ABCA5: variants seen among roughly 807,000 people sequenced by gnomAD.
ABCA5 encodes ATP binding cassette subfamily A member 5.
A neutral mutation model predicts 206.0 loss-of-function variants in ABCA5; 163 were observed. That is an observed-to-expected ratio of 0.79 (90% CI 0.70 to 0.90). ABCA5 has a LOEUF of 0.90. Among genes scored for constraint, ABCA5 ranks in the 40% least tolerant of loss-of-function variants. The pLI is 0.00. For missense variants in ABCA5, 1,859 were observed against 1,912.9 expected (o/e 0.97, Z 0.53); for synonymous variants, 609 against 613.8 (o/e 0.99, Z 0.11).
At chr17:69,301,021 C>A in intron 9 of ABCA5, 118 bp downstream of exon 9, 1 of 853,020 alleles carries the variant, frequency 1.2e-6, no homozygotes, top group Non-Finnish European at 1.7e-6. Flanking sequence ...AAAGCTTTAA[C>A]AATGAATATG....
At chr17:69,250,955 T>C (rs1381200502) in intron 35 of ABCA5, 2 of 158,392 alleles carry the variant, frequency 1.3e-5, no homozygotes, top group African/African-American at 2.4e-5. Flanking sequence ...TTCTTGGCTG[T>C]CACGTCACCT....
chr17:69,313,036 T>A lies in ABCA5; in HGVS notation c.307+56A>T, dbSNP rs1010087799. 2.5e-6 allele frequency: 3 copies of A among 1,209,444 alleles called. No homozygotes were observed. In the African/African-American group the frequency reaches 4.8e-5, roughly 19 times the overall value. The allele number at this position is 1,209,444 out of a possible 1,614,324, so 74.9% of individuals were successfully genotyped here. A position where few individuals can be genotyped will look rare whatever the true frequency, so the allele number is the denominator to read the frequency against. Reference sequence around the variant, plus strand: ...CTATTCATTCAATAAAGCAAGCTGATAAATATTGAAAAGGCTTAATATTAT... The same window carrying A: ...CTATTCATTCAATAAAGCAAGCTGAAAAATATTGAAAAGGCTTAATATTAT... On this transcript the variant is annotated intron_variant, in intron 3 of 38. Coordinates refer to ENST00000392676, the MANE Select transcript of ABCA5 (RefSeq NM_172232.4).
chr17:69,299,774 C>T (rs1242826381), intron 9 of ABCA5, among the ~76,000 whole-genome samples: 2 of 151,944 alleles, frequency 1.3e-5, no homozygotes, highest in African/African-American at 4.8e-5. Flanking sequence ...ACAGGTGCAC[C>T]AATATCTCAG....
intron 2 of ABCA5, 143 bp from the exon 3 acceptor site, chr17:69,313,439 C>A (rs1461882950): frequency 4.6e-6 from 2 of 436,194 alleles, no homozygotes; most frequent in East Asian, 7.3e-5. Context: ...GCAATTCTAT[C>A]CCAAAAGAAT....
chr17:69,318,547 G>A (rs1199741484), intron 1 of ABCA5, among the ~76,000 whole-genome samples: 1 of 151,898 alleles, frequency 6.6e-6, no homozygotes, highest in Non-Finnish European at 1.5e-5. Flanking sequence ...TTTTCTTCAT[G>A]CTTTTTTTCT....
At chr17:69,267,891 T>C in intron 23 of ABCA5, 52 bp downstream of exon 23, 3 of 1,038,696 alleles carry the variant, frequency 2.9e-6, no homozygotes, top group Non-Finnish European at 4.4e-6. Context: ...ATAGGTTATT[T>C]TTATATGACA....
intron 6 of ABCA5, 29 bp from the exon 7 acceptor site, chr17:69,304,839 G>C (rs1354084545): frequency 6.5e-7 from 1 of 1,542,398 alleles, no homozygotes; most frequent in Non-Finnish European, 8.7e-7. Flanking sequence ...TATAGTTATG[G>C]TCAAATGCAT....
At chr17:69,290,579 G>GTGTT (rs1196930765) in intron 12 of ABCA5, among the ~76,000 whole-genome samples, 1 of 152,034 alleles carries the variant, frequency 6.6e-6, no homozygotes, top group African/African-American at 2.4e-5. Context: ...CCATCAAAGA[G>GTGTT]TGATACAACT....
rs2075270128 is a variant in ABCA5 at position 69,271,216 on chromosome 17, G to A, written c.2838C>T (p.Asp946=). Residue 946 remains aspartate (D), a synonymous_variant, in exon 21 of 39, where the codon GAC becomes GAT. Transcript: ENST00000392676. The part of the protein sequence containing the change: ...NIMVTMINDS[D]YVSVAPHSAA... ...CACTATGGGGAGCCACGGATACATAGTCACTGTCATTAATCATCGTCACCA... is the reference window on the plus strand; with the variant it reads ...CACTATGGGGAGCCACGGATACATAATCACTGTCATTAATCATCGTCACCA... 1 of 1,613,586 alleles carries A rather than the reference G, an allele frequency of 6.2e-7. No homozygotes were observed. Among genetic ancestry groups the A allele is most frequent in the African/African-American group, 1.3e-5 (1 of 75,014 alleles).
At chr17:69,289,411 G>T in intron 13 of ABCA5, 115 bp from the exon 14 acceptor site, 3 of 836,598 alleles carry the variant, frequency 3.6e-6, no homozygotes, top group Non-Finnish European at 4.9e-6. Flanking sequence ...AAGTAACATA[G>T]GTTTTTAAAT....
At chr17:69,324,442 C>A (rs942535256) in intron 1 of ABCA5, among the ~76,000 whole-genome samples, 1 of 152,180 alleles carries the variant, frequency 6.6e-6, no homozygotes, top group African/African-American at 2.4e-5. Flanking sequence ...CTAGATAACA[C>A]GGTAAAGGCA....
At chr17:69,266,908 CTT>C (rs1172068093) in intron 23 of ABCA5, among the ~76,000 whole-genome samples, 4 of 150,972 alleles carry the variant, frequency 2.6e-5, no homozygotes, top group East Asian at 1.9e-4. Context: ...AGTTTTTGCT[CTT>C]GTTGCCCAGG....
intron 28 of ABCA5, among the ~76,000 whole-genome samples, chr17:69,256,559 G>A (rs911018818): frequency 1.3e-5 from 2 of 150,700 alleles, no homozygotes; most frequent in African/African-American, 4.9e-5. Flanking sequence ...GGGTTCAAGC[G>A]ATTCTCCTGC....
chr17:69,250,711 A>G (rs1340529659), intron 35 of ABCA5, 90 bp from the exon 36 acceptor site: 8 of 914,410 alleles, frequency 8.7e-6, no homozygotes, highest in Non-Finnish European at 1.2e-5. Context: ...TTAAAAAAAT[A>G]TACCTTTATA....
At chr17:69,294,887 T>C (rs963730732) in intron 10 of ABCA5, among the ~76,000 whole-genome samples, 174 bp from the exon 11 acceptor site, 10 of 152,168 alleles carry the variant, frequency 6.6e-5, no homozygotes, top group East Asian at 3.8e-4. Flanking sequence ...GAAAATACAA[T>C]TGACACTTGA....
rs1266842835 is a variant in ABCA5, at chr17:69,268,075, G to A, written c.3031-19C>T. 3.5e-6 allele frequency: 4 copies of A among 1,139,056 alleles called. No homozygotes were observed. The South Asian group carries it at 3.8e-5, about 11-fold the overall frequency. The allele number at this position is 1,139,056 out of a possible 1,614,324, so 70.6% of individuals were successfully genotyped here. Reference sequence around the variant, plus strand: ...TAATTTCCTGAAAGACAACCACAGAGTAACAAATGGAACTGAGAATCATTT... The same window carrying A: ...TAATTTCCTGAAAGACAACCACAGAATAACAAATGGAACTGAGAATCATTT... On this transcript the variant is annotated intron_variant, in intron 22 of 38. Coordinates refer to ENST00000392676, the MANE Select transcript of ABCA5 (RefSeq NM_172232.4).
rs1008631790 is a variant in ABCA5, at chr17:69,244,969, C to A, written c.*2568G>T. On this transcript the variant is annotated 3_prime_UTR_variant, in exon 39 of 39. Transcript: ENST00000392676. ...TAAGTATCTATCTTACAGATCTCCA[C>A]GATCTTACAGGGCCAAAACTGATAG... 6.6e-6 allele frequency: 1 copy of A among 150,512 alleles called. No homozygotes were observed. Among genetic ancestry groups the A allele is most frequent in the South Asian group, 2.1e-4 (1 of 4,798 alleles). The allele number at this position is 150,512 out of a possible 1,614,324, so 9.3% of individuals were successfully genotyped here.
At chr17:69,269,452 T>C (rs930547367) in intron 22 of ABCA5, among the ~76,000 whole-genome samples, 2 of 152,340 alleles carry the variant, frequency 1.3e-5, no homozygotes, top group African/African-American at 4.8e-5. Flanking sequence ...CTGCTGGAAA[T>C]GGAAAATGAT....
intron 7 of ABCA5, chr17:69,304,390 T>A (rs1275566463): frequency 9.3e-6 from 2 of 215,180 alleles, no homozygotes; most frequent in Non-Finnish European, 1.8e-5. Context: ...TTGACAGTCT[T>A]AATTATATAC....
Sources: allele counts gnomAD v4.1 joint callset (sites outside exome capture counted in the v4.1 genomes callset), GRCh38; gene constraint gnomAD v4.1.1; transcripts MANE v1.5; gene names NCBI Gene and HGNC (gene_info 2026-07-23, HGNC 2026-07-21).